The following ADARB2 variants were observed in gnomAD, a reference collection of about 807,000 sequenced individuals.
ADARB2 encodes inactive double-stranded RNA-specific editase B2.
Under a neutral mutation model 62.2 loss-of-function variants are expected in ADARB2, and 25 were observed. The observed-to-expected ratio is 0.40, with a 90% CI of 0.29 to 0.56. ADARB2 has a LOEUF of 0.56. ADARB2 is among the 20% of genes least tolerant of loss of function. ADARB2 has a pLI of 0.43. For missense variants in ADARB2, 1,071 were observed against 1,077.4 expected (o/e 0.99, Z 0.08); for synonymous variants, 572 against 500.8 (o/e 1.14, Z -1.90).
At chr10:1,219,765 G>A (rs371532011) in intron 6 of ADARB2, among the ~76,000 whole-genome samples, 8 of 151,810 alleles carry the variant, frequency 5.3e-5, no homozygotes, top group Admixed American at 3.9e-4. Context: ...TGATGGTGGC[G>A]GTGGAGACGG....
intron 1 of ADARB2, among the ~76,000 whole-genome samples, chr10:1,389,667 G>A (rs748128974): frequency 1.4e-4 from 22 of 151,926 alleles, no homozygotes; most frequent in South Asian, 6.2e-4. Flanking sequence ...CGATTGAACC[G>A]GGGAGGCAGA....
intron 3 of ADARB2, among the ~76,000 whole-genome samples, chr10:1,283,402 T>A (rs1207283434): frequency 1.3e-5 from 2 of 152,236 alleles, no homozygotes; most frequent in Admixed American, 1.3e-4. Flanking sequence ...ATGATCTCTA[T>A]ATTTGTTAAC....
intron 1 of ADARB2, among the ~76,000 whole-genome samples, chr10:1,476,114 C>G (rs1233343864): frequency 6.6e-6 from 1 of 151,968 alleles, no homozygotes; most frequent in East Asian, 1.9e-4. Context: ...GTAAAACATC[C>G]TTTGAAGGGG....
chr10:1,234,737 C>CT lies in ADARB2; in HGVS notation c.1362-893dup, dbSNP rs71376899. On this transcript the variant is annotated intron_variant, in intron 5 of 9. Coordinates refer to ENST00000381312, the MANE Select transcript of ADARB2 (RefSeq NM_018702.4). ...GATTACAGGTGCGAGCGACCATGAT[C>CT]TTTTTTTTTTTTTTTTTTTTTTTTT... 8.7e-3 allele frequency among the ~76,000 whole-genome samples: 467 copies of CT among 53,630 alleles called. 65 individuals are homozygous for CT. The highest frequency in any genetic ancestry group is 0.011 in the East Asian group (14 of 1,330). 35.2% of individuals were successfully genotyped at this position (53,630 alleles called of 152,430 possible).
intron 1 of ADARB2, among the ~76,000 whole-genome samples, chr10:1,456,158 G>A (rs187796258): frequency 7.2e-5 from 11 of 152,184 alleles, no homozygotes; most frequent in Admixed American, 7.2e-4. Flanking sequence ...GTTTCACCTA[G>A]GGACCCGGCG....
At chr10:1,395,497 T>G (rs1229082844) in intron 1 of ADARB2, among the ~76,000 whole-genome samples, 4 of 152,146 alleles carry the variant, frequency 2.6e-5, no homozygotes, top group Non-Finnish European at 5.9e-5. Context: ...GCCTCATACT[T>G]GCTGTTACTG....
At chr10:1,579,092 T>A (rs907456267) in intron 1 of ADARB2, among the ~76,000 whole-genome samples, 32 of 152,314 alleles carry the variant, frequency 2.1e-4, no homozygotes, top group African/African-American at 7.2e-4. Flanking sequence ...CAGTTTACCC[T>A]GCCTTCCAGC....
At chr10:1,563,291 G>A (rs1161116472) in intron 1 of ADARB2, among the ~76,000 whole-genome samples, 4 of 151,718 alleles carry the variant, frequency 2.6e-5, no homozygotes, top group African/African-American at 7.3e-5. Flanking sequence ...CCTAAGGTGC[G>A]GACGTGTATC....
chr10:1,341,656 T>C (rs1247838050), intron 3 of ADARB2, among the ~76,000 whole-genome samples: 1 of 151,492 alleles, frequency 6.6e-6, no homozygotes, highest in East Asian at 1.9e-4. Context: ...GCAACGGCGA[T>C]AATCAGCATC....
chr10:1,561,876 C>T (rs1832790327), intron 1 of ADARB2, among the ~76,000 whole-genome samples: 1 of 152,248 alleles, frequency 6.6e-6, no homozygotes, highest in South Asian at 2.1e-4. Context: ...TCCCCTCTCC[C>T]ACTCTTGCCC....
intron 1 of ADARB2, among the ~76,000 whole-genome samples, chr10:1,660,678 T>C (rs1432506682): frequency 2.0e-5 from 3 of 152,192 alleles, no homozygotes; most frequent in Non-Finnish European, 4.4e-5. Context: ...GTAGCAGAGT[T>C]GGATCCAGTG....
intron 1 of ADARB2, among the ~76,000 whole-genome samples, chr10:1,469,454 T>C (rs546778242): frequency 1.3e-5 from 2 of 152,356 alleles, no homozygotes; most frequent in South Asian, 4.1e-4. Context: ...CAGATTTCAC[T>C]GGAGCTGATG....
chr10:1,558,582 C>A (rs1167867207), intron 1 of ADARB2, among the ~76,000 whole-genome samples: 6 of 132,408 alleles, frequency 4.5e-5, no homozygotes, highest in Non-Finnish European at 9.9e-5. Flanking sequence ...CCACCTCTGT[C>A]CCCTTCTGTG....
intron 1 of ADARB2, among the ~76,000 whole-genome samples, chr10:1,658,904 C>T (rs1185819711): frequency 6.6e-6 from 1 of 152,172 alleles, no homozygotes; most frequent in Non-Finnish European, 1.5e-5. Context: ...TGTCCAAGTG[C>T]CATGAAGCCA....
At chr10:1,417,123 T>C (rs1832810935) in intron 1 of ADARB2, among the ~76,000 whole-genome samples, 1 of 151,498 alleles carries the variant, frequency 6.6e-6, no homozygotes, top group Admixed American at 6.6e-5. Context: ...GAAGTGTAGA[T>C]CAGATGGTGT....
chr10:1,565,719 A>G (rs1023918155), intron 1 of ADARB2, among the ~76,000 whole-genome samples: 1 of 152,162 alleles, frequency 6.6e-6, no homozygotes, highest in Non-Finnish European at 1.5e-5. Flanking sequence ...CCGGCTGACT[A>G]TACACTGTGT....
chr10:1,717,003 TTCATGTTATTCTGA>T (rs1454589629), intron 1 of ADARB2, among the ~76,000 whole-genome samples: 7 of 152,242 alleles, frequency 4.6e-5, no homozygotes, highest in East Asian at 1.9e-4. Flanking sequence ...ATTGCACACA[TTCATGTTATTCTGA>T]TCACGTTATT....
At chr10:1,193,437 G>C (rs997606594) in intron 8 of ADARB2, among the ~76,000 whole-genome samples, 5 of 152,212 alleles carry the variant, frequency 3.3e-5, no homozygotes, top group Non-Finnish European at 7.3e-5. Flanking sequence ...AAAGATATGG[G>C]ACAAAGGGAC....
chr10:1,255,558 A>G lies in ADARB2; in HGVS notation c.1193-13259T>C, dbSNP rs12264295. Among the ~76,000 whole-genome samples the G allele has an allele frequency of 0.033, 5,020 of 152,352 alleles. 300 individuals are homozygous for G. The highest frequency in any genetic ancestry group is 0.11 in the African/African-American group (4,732 of 41,568). ...ACTACAACCCAAAGAGGGTCAGGCC[A>G]TGGACAGGGATGTGACCAGATGTCA... On this transcript the variant is annotated intron_variant, in intron 4 of 9. Transcript: ENST00000381312. The surrounding 1 kb of genome is among the most constrained non-coding windows in gnomAD (Gnocchi z 4.7).
Sources: gnomAD v4.1 joint callset for allele counts (sites outside exome capture counted in the v4.1 genomes callset) on GRCh38, gnomAD v4.1.1 for gene constraint, Gnocchi (gnomAD v3.1) non-coding constraint, MANE v1.5 for transcripts, NCBI Gene and HGNC (gene_info 2026-07-23, HGNC 2026-07-21) for gene names.